Variants in DIPK1C observed in about 807,000 individuals in gnomAD.
DIPK1C encodes the protein divergent protein kinase domain 1C.
DIPK1C carries 33 observed loss-of-function variants against 28.0 expected under a neutral mutation model. That is an observed-to-expected ratio of 1.18 (90% CI 0.89 to 1.58). DIPK1C has a LOEUF of 1.58. Among genes scored for constraint, DIPK1C ranks in the 40% most tolerant of loss-of-function variants. DIPK1C has a pLI of 0.00. For missense variants in DIPK1C, 569 were observed against 568.5 expected (o/e 1.00, Z -0.01); for synonymous variants, 255 against 248.8 (o/e 1.02, Z -0.23).
chr18:74,461,694 G>A (rs566862501), upstream of DIPK1C, among the ~76,000 whole-genome samples: 38 of 152,066 alleles, frequency 2.5e-4, no homozygotes, highest in Admixed American at 9.2e-4. Flanking sequence ...AGGGCAGGGG[G>A]ATCATAGCTC....
intron 1 of DIPK1C, among the ~76,000 whole-genome samples, chr18:74,449,985 C>T (rs1012730274): frequency 5.3e-5 from 8 of 152,166 alleles, no homozygotes; most frequent in African/African-American, 1.7e-4. Flanking sequence ...ACCTCCACAT[C>T]GCCCTTCGGA....
At chr18:74,463,069 G>C in the DIPK1C span, among the ~76,000 whole-genome samples, 37 of 152,318 alleles carry the variant, frequency 2.4e-4, no homozygotes, top group African/African-American at 8.9e-4. Flanking sequence ...TATCAGGGGA[G>C]CTGCAGCCCA....
intron 2 of DIPK1C, among the ~76,000 whole-genome samples, chr18:74,445,398 C>T (rs1449650769): frequency 6.6e-6 from 1 of 152,224 alleles, no homozygotes; most frequent in African/African-American, 2.4e-5. Flanking sequence ...TTGTCAGCCC[C>T]TCCAGGGCAG....
intron 2 of DIPK1C, among the ~76,000 whole-genome samples, chr18:74,444,221 T>C (rs1986210047): frequency 6.6e-6 from 1 of 151,962 alleles, no homozygotes; most frequent in Non-Finnish European, 1.5e-5. Context: ...GGCCCTGGAG[T>C]AGGAAGCCAT....
At chr18:74,456,602 T>C (rs929334097) in intron 1 of DIPK1C, among the ~76,000 whole-genome samples, 2 of 151,838 alleles carry the variant, frequency 1.3e-5, no homozygotes, top group Non-Finnish European at 2.9e-5. Context: ...CAGCTCAGGG[T>C]GGAATCACAG....
chr18:74,448,146 A>G (rs550399375), intron 1 of DIPK1C, among the ~76,000 whole-genome samples: 1 of 152,302 alleles, frequency 6.6e-6, no homozygotes, highest in South Asian at 2.1e-4. Context: ...GCAGGGAAGG[A>G]AGAAGTGCAG....
chr18:74,459,718 C>T (rs1242077196), upstream of DIPK1C, among the ~76,000 whole-genome samples: 2 of 152,128 alleles, frequency 1.3e-5, no homozygotes, highest in Non-Finnish European at 2.9e-5. Context: ...CTTAGTCCTC[C>T]GCTGGTGGGA....
chr18:74,440,720 C>T (rs908968735), intron 3 of DIPK1C, among the ~76,000 whole-genome samples: 10 of 152,332 alleles, frequency 6.6e-5, no homozygotes, highest in African/African-American at 2.4e-5. Flanking sequence ...CTCAGCCTCT[C>T]GTTACATTGC....
chr18:74,463,670 G>A, the DIPK1C span, among the ~76,000 whole-genome samples: 1 of 152,152 alleles, frequency 6.6e-6, no homozygotes, highest in African/African-American at 2.4e-5. Context: ...GCACAACGCA[G>A]GGGAAAACAT....
intron 3 of DIPK1C, among the ~76,000 whole-genome samples, chr18:74,437,923 A>G (rs1986034913): frequency 6.6e-6 from 1 of 152,072 alleles, no homozygotes; most frequent in African/African-American, 2.4e-5. Context: ...ACAAGGTCTC[A>G]CTCTGTGACC....
intron 1 of DIPK1C, among the ~76,000 whole-genome samples, 174 bp downstream of exon 1, chr18:74,456,888 C>A (rs758423208): frequency 2.0e-5 from 3 of 152,148 alleles, no homozygotes; most frequent in East Asian, 1.9e-4. Flanking sequence ...CCGGCTGCGT[C>A]CCCATTCGGG....
chr18:74,457,100 A>T lies in DIPK1C; in HGVS notation c.160T>A (p.Cys54Ser), dbSNP rs1225029972. ...RAHPGVLSER[C>S]TDEKSRRILA... Reference sequence around the variant, plus strand: ...ATGCGCCGGCTCTTCTCGTCGGTGCAGCGCTCGGAGAGGACACCCGGGTGC... The same window carrying T: ...ATGCGCCGGCTCTTCTCGTCGGTGCTGCGCTCGGAGAGGACACCCGGGTGC... Residue 54 changes from cysteine to serine, a missense_variant, in exon 1 of 4, where the codon TGC (cysteine) becomes AGC (serine). By Grantham distance (112) the Cys-to-Ser change is moderately radical (BLOSUM62 -1). Transcript: ENST00000343998. 9 of 1,468,828 alleles carry T rather than the reference A, an allele frequency of 6.1e-6. No individual in the cohort carries two copies. In the Admixed American group the frequency reaches 9.9e-5, roughly 16 times the overall value. 91.0% of individuals were successfully genotyped at this position (1,468,828 alleles called of 1,614,324 possible).
Position 74,436,444 on chromosome 18 carries a change from A to G in DIPK1C, c.*57T>C. The G allele has an allele frequency of 6.8e-7, 1 of 1,466,188 alleles. No individual in the cohort carries two copies. Among genetic ancestry groups the G allele is most frequent in the Non-Finnish European group, 9.2e-7 (1 of 1,087,936 alleles). 90.8% of individuals were successfully genotyped at this position (1,466,188 alleles called of 1,614,324 possible). On this transcript the variant is annotated 3_prime_UTR_variant, in exon 4 of 4. Coordinates refer to ENST00000343998, the MANE Select transcript of DIPK1C (RefSeq NM_001044369.3). ...TGGCTCATCTTTAAAACAATGGCAG[A>G]AGAAATCCAGCCAAGGTCACTTTTC...
chr18:74,453,865 T>A (rs962830346), intron 1 of DIPK1C, among the ~76,000 whole-genome samples: 2 of 152,060 alleles, frequency 1.3e-5, no homozygotes, highest in Non-Finnish European at 2.9e-5. Flanking sequence ...ATGGGGATAC[T>A]AAAAGCAAAT....
chr18:74,452,412 A>G (rs1986418817), intron 1 of DIPK1C, among the ~76,000 whole-genome samples: 1 of 151,800 alleles, frequency 6.6e-6, no homozygotes, highest in Non-Finnish European at 1.5e-5. Context: ...TTAAAAAAAA[A>G]CAGTCAACTT....
rs775925637 is a variant in DIPK1C, at chr18:74,436,678, A to AGGCGCG, written c.1077_1082dup (p.Ala360_Pro361dup). 1 of 1,613,750 alleles carries AGGCGCG rather than the reference A, an allele frequency of 6.2e-7. No individual in the cohort carries two copies. The highest frequency in any genetic ancestry group is 1.3e-5 in the African/African-American group (1 of 74,910). On this transcript the variant is annotated inframe_insertion, in exon 4 of 4. Coordinates refer to ENST00000343998, the MANE Select transcript of DIPK1C (RefSeq NM_001044369.3). ...GGAAAGAGACCGCAGAGCTCTTGAG[A>AGGCGCG]GGCGCGGAAAACCAATGGCGAAATA...
At chr18:74,445,235 A>C (rs1986232870) in intron 2 of DIPK1C, among the ~76,000 whole-genome samples, 1 of 152,122 alleles carries the variant, frequency 6.6e-6, no homozygotes, top group African/African-American at 2.4e-5. Flanking sequence ...CCCAACACAC[A>C]TATCAGGACA....
At chr18:74,449,949 G>A (rs1172067543) in intron 1 of DIPK1C, among the ~76,000 whole-genome samples, 1 of 152,156 alleles carries the variant, frequency 6.6e-6, no homozygotes, top group Non-Finnish European at 1.5e-5. Flanking sequence ...CGGACCCTTT[G>A]CGCCCAGCAT....
chr18:74,435,989 C>T lies in DIPK1C; in HGVS notation c.*512G>A, dbSNP rs1045656324. On this transcript the variant is annotated 3_prime_UTR_variant, in exon 4 of 4. Transcript: ENST00000343998. ...TTCACACTCAGGCATACTCATACTC[C>T]TCATGAGCACACCACACTCACCTGT... The T allele has an allele frequency of 1.6e-4, 27 of 172,000 alleles. No individual in the cohort carries two copies. Among genetic ancestry groups the T allele is most frequent in the Non-Finnish European group, 2.0e-4 (16 of 79,616 alleles). 10.7% of individuals were successfully genotyped at this position (172,000 alleles called of 1,614,324 possible).
Sources: allele counts gnomAD v4.1 joint callset (sites outside exome capture counted in the v4.1 genomes callset), GRCh38; gene constraint gnomAD v4.1.1; transcripts MANE v1.5; gene names NCBI Gene and HGNC (gene_info 2026-07-23, HGNC 2026-07-21).